The following UTRN variants were observed in gnomAD, a reference collection of about 807,000 sequenced individuals.
The protein encoded by UTRN is utrophin.
UTRN carries 283 observed loss-of-function variants against 463.9 expected under a neutral mutation model. The ratio of observed to expected loss-of-function variants is 0.61; its 90% CI spans 0.55 to 0.67. The LOEUF (loss-of-function observed/expected upper bound fraction) is 0.67. Ranked by LOEUF, UTRN falls within the 30% of genes least tolerant of loss-of-function variation. UTRN has a pLI of 0.00. For missense variants in UTRN, 3,922 were observed against 4,084.3 expected (o/e 0.96, Z 1.08); for synonymous variants, 1,442 against 1,431.5 (o/e 1.01, Z -0.17).
At chr6:144,486,122 C>T (rs1792419740) in intron 28 of UTRN, among the ~76,000 whole-genome samples, 1 of 152,022 alleles carries the variant, frequency 6.6e-6, no homozygotes, top group African/African-American at 2.4e-5. Flanking sequence ...GGTAGGTTTG[C>T]TTAACAAAAA....
intron 51 of UTRN, among the ~76,000 whole-genome samples, chr6:144,627,519 A>G (rs530649583): frequency 6.6e-6 from 1 of 152,074 alleles, no homozygotes; most frequent in African/African-American, 2.4e-5. Context: ...CATTAGAAAC[A>G]TTTACAGTGG....
At chr6:144,722,586 G>C (rs745442584) in intron 53 of UTRN, among the ~76,000 whole-genome samples, 1 of 152,084 alleles carries the variant, frequency 6.6e-6, no homozygotes, top group African/African-American at 2.4e-5. Flanking sequence ...CTGTGACACC[G>C]TGATGTGCAA....
At chr6:144,754,655 A>T in intron 56 of UTRN, 65 bp from the exon 57 acceptor site, 1 of 1,551,402 alleles carries the variant, frequency 6.4e-7, no homozygotes, top group Non-Finnish European at 8.9e-7. Context: ...TAAAGCAAAA[A>T]TATTATTAAA....
At chr6:144,788,242 G>A (rs1776453049) in intron 61 of UTRN, among the ~76,000 whole-genome samples, 1 of 152,080 alleles carries the variant, frequency 6.6e-6, no homozygotes, top group South Asian at 2.1e-4. Flanking sequence ...TTTCACATCT[G>A]TCTAAGATCA....
At chr6:144,630,538 C>G (rs1377336812) in intron 51 of UTRN, among the ~76,000 whole-genome samples, 1 of 152,154 alleles carries the variant, frequency 6.6e-6, no homozygotes, top group African/African-American at 2.4e-5. Context: ...GACTTATTCA[C>G]TATTATGAGA....
At chr6:144,770,864 T>G (rs1200006818) in intron 58 of UTRN, among the ~76,000 whole-genome samples, 1 of 151,394 alleles carries the variant, frequency 6.6e-6, no homozygotes, top group Non-Finnish European at 1.5e-5. Flanking sequence ...CTGAGGGGAG[T>G]GGGGAATCCA....
intron 51 of UTRN, among the ~76,000 whole-genome samples, chr6:144,632,707 A>T (rs1776656046): frequency 6.6e-6 from 1 of 151,278 alleles, no homozygotes; most frequent in African/African-American, 2.4e-5. Flanking sequence ...ACTTATTTTT[A>T]TATTGTAAAC....
At chr6:144,399,777 A>G (rs574077140) in intron 2 of UTRN, among the ~76,000 whole-genome samples, 10 of 152,354 alleles carry the variant, frequency 6.6e-5, no homozygotes, top group Admixed American at 5.9e-4. Flanking sequence ...GTTCTGCTAA[A>G]ACAATTTTCC....
At chr6:144,298,929 C>A (rs1316945844) in intron 2 of UTRN, among the ~76,000 whole-genome samples, 1 of 152,062 alleles carries the variant, frequency 6.6e-6, no homozygotes, top group Admixed American at 6.5e-5. Context: ...TTAATTTTTG[C>A]AAATTTCTTC....
intron 1 of UTRN, among the ~76,000 whole-genome samples, chr6:144,290,209 C>A (rs1804088830): frequency 6.6e-6 from 1 of 152,130 alleles, no homozygotes; most frequent in African/African-American, 2.4e-5. Context: ...AACATTGATA[C>A]AATAATATTG....
intron 73 of UTRN, 33 bp downstream of exon 73, chr6:144,840,865 A>C: frequency 6.2e-7 from 1 of 1,610,796 alleles, no homozygotes; most frequent in Non-Finnish European, 8.5e-7. Flanking sequence ...CCACAGCTGC[A>C]CGTGTTCCTT....
At chr6:144,513,562 A>G (rs1391180932) in intron 35 of UTRN, among the ~76,000 whole-genome samples, 1 of 152,232 alleles carries the variant, frequency 6.6e-6, no homozygotes, top group Non-Finnish European at 1.5e-5. Flanking sequence ...AGAAAAAAGA[A>G]AAAAAGATTG....
chr6:144,597,562 A>G (rs1803786381), intron 51 of UTRN, among the ~76,000 whole-genome samples: 1 of 152,202 alleles, frequency 6.6e-6, no homozygotes, highest in Admixed American at 6.5e-5. Context: ...CTTGCAACTG[A>G]TAACTTTTGT....
intron 50 of UTRN, 116 bp downstream of exon 50, chr6:144,557,427 A>AT: frequency 1.2e-6 from 1 of 858,198 alleles, no homozygotes; most frequent in East Asian, 3.7e-5. Context: ...TTTTATTATT[A>AT]TGTATTTTTA....
intron 51 of UTRN, among the ~76,000 whole-genome samples, chr6:144,659,167 C>G (rs549920107): frequency 6.6e-6 from 1 of 152,182 alleles, no homozygotes; most frequent in South Asian, 2.1e-4. Flanking sequence ...TGGGTTGGCT[C>G]CCAACTGGAA....
intron 53 of UTRN, among the ~76,000 whole-genome samples, chr6:144,721,893 G>A (rs111979659): frequency 8.5e-5 from 13 of 152,178 alleles, no homozygotes; most frequent in African/African-American, 3.1e-4. Context: ...AAGAGTATCA[G>A]GTGTGGAATC....
rs142932212 is a variant in UTRN, at chr6:144,678,543, A to G, written c.7617A>G (p.Arg2539=). Residue 2539 remains arginine, a synonymous_variant, in exon 52 of 75, where the codon AGA becomes AGG. Coordinates refer to ENST00000367545, the MANE Select transcript of UTRN (RefSeq NM_007124.3). Reference sequence around the variant, plus strand: ...ATCGACTGGATGATATGAACCAAAGATGGAATGACTTAAAAGCAAAATCTG... The same window carrying G: ...ATCGACTGGATGATATGAACCAAAGGTGGAATGACTTAAAAGCAAAATCTG... The part of the protein sequence containing the change: ...LQHRLDDMNQ[R]WNDLKAKSAS... The G allele has an allele frequency of 6.4e-4, 1,036 of 1,612,254 alleles. No homozygotes were observed. The highest frequency in any genetic ancestry group is 8.3e-4 in the Middle Eastern group (5 of 6,046).
intron 2 of UTRN, among the ~76,000 whole-genome samples, chr6:144,323,530 TA>T (rs1378429331): frequency 2.6e-5 from 4 of 152,254 alleles, no homozygotes. Context: ...ACAACATTAA[TA>T]TTTATTTTGC....
intron 57 of UTRN, 90 bp downstream of exon 57, chr6:144,754,888 A>G: frequency 7.9e-7 from 1 of 1,262,792 alleles, no homozygotes; most frequent in Non-Finnish European, 1.1e-6. Flanking sequence ...TCCTTGCTAT[A>G]AATATGTTTA....
Sources: allele counts gnomAD v4.1 joint callset (sites outside exome capture counted in the v4.1 genomes callset), GRCh38; gene constraint gnomAD v4.1.1; transcripts MANE v1.5; gene names NCBI Gene and HGNC (gene_info 2026-07-23, HGNC 2026-07-21).